The following ADAMTS9 variants were observed in gnomAD, a reference collection of about 807,000 sequenced individuals.
ADAMTS9 encodes the protein A disintegrin and metalloproteinase with thrombospondin motifs 9.
A neutral mutation model predicts 257.1 loss-of-function variants in ADAMTS9; 107 were observed. The ratio of observed to expected loss-of-function variants is 0.42; its 90% confidence interval spans 0.36 to 0.49. The LOEUF (loss-of-function observed/expected upper bound fraction) is 0.49. Among genes scored for constraint, ADAMTS9 ranks in the 20% least tolerant of loss-of-function variants. The pLI, the probability that ADAMTS9 is intolerant of heterozygous loss-of-function variation, is 0.03. For synonymous variants in ADAMTS9, 982 were observed against 880.9 expected, an observed-to-expected ratio of 1.11 and a Z score of -2.03; for missense variants, 2,353 against 2,469.1, an observed-to-expected ratio of 0.95 and a Z score of 1.00.
chr3:64,657,179 G>A (rs1162143588), intron 4 of ADAMTS9, among the ~76,000 whole-genome samples: 1 of 152,162 alleles, frequency 6.6e-6, no homozygotes, highest in Non-Finnish European at 1.5e-5. Context: ...TGGCTAGTGA[G>A]CACTAGTACG....
intron 3 of ADAMTS9, among the ~76,000 whole-genome samples, chr3:64,672,714 G>A (rs930107456): frequency 3.9e-5 from 6 of 152,110 alleles, no homozygotes; most frequent in Admixed American, 1.3e-4. Context: ...TGGGGAATAC[G>A]CATATTTCAT....
chr3:64,687,732 G>C lies in ADAMTS9; in HGVS notation c.-75C>G. On this transcript the variant is annotated 5_prime_UTR_variant, in exon 1 of 40. Transcript: ENST00000498707. This position sits in a 1 kb window ranked among gnomAD's most constrained non-coding sequence, Gnocchi z 4.4. ...CTCCTTGGCTGCGGCGGCGACGCGA[G>C]GCAGCGGCCGTGGAGAGCGCGCGGA... 1 of 1,230,646 alleles carries C rather than the reference G, an allele frequency of 8.1e-7. No homozygotes were observed. The highest frequency in any genetic ancestry group is 1.1e-6 in the Non-Finnish European group (1 of 912,234). 76.2% of individuals were successfully genotyped at this position (1,230,646 alleles called of 1,614,324 possible). A position where few individuals can be genotyped will look rare whatever the true frequency, so the allele number is the denominator to read the frequency against.
At chr3:64,610,389 A>G (rs1166164206) in intron 22 of ADAMTS9, among the ~76,000 whole-genome samples, 1 of 152,210 alleles carries the variant, frequency 6.6e-6, no homozygotes. Flanking sequence ...CTACAACTCA[A>G]GAACAACGAG....
chr3:64,655,552 C>G, intron 6 of ADAMTS9, 24 bp downstream of exon 6: 1 of 1,570,882 alleles, frequency 6.4e-7, no homozygotes, highest in Non-Finnish European at 8.8e-7. Flanking sequence ...ACTGAAAGAT[C>G]TGAGGAATAA....
intron 3 of ADAMTS9, among the ~76,000 whole-genome samples, chr3:64,663,121 G>C (rs890658557): frequency 6.6e-6 from 1 of 152,012 alleles, no homozygotes; most frequent in Non-Finnish European, 1.5e-5. Context: ...TGGGAGTGTG[G>C]TTAGCTAAAA....
At position 64,659,938 on chromosome 3, in the gene ADAMTS9, C is replaced by T. The variant is rs114337740; in HGVS notation, c.680-1147G>A. Among the ~76,000 whole-genome samples, 931 of 152,210 alleles carry T rather than the reference C, an allele frequency of 6.1e-3. 6 individuals carry two copies. Among genetic ancestry groups the T allele is most frequent in the African/African-American group, 0.021 (889 of 41,538 alleles). On this transcript the variant is annotated intron_variant, in intron 3 of 39. Coordinates refer to ENST00000498707, the MANE Select transcript of ADAMTS9 (RefSeq NM_182920.2). ...CCTGAATCTAAACTTAACTAGATCC[C>T]CAGGTGACTGATATTAACACTGAAA... is the stretch of plus-strand genomic sequence containing the variant.
chr3:64,655,994 G>A (rs911042146), intron 4 of ADAMTS9, 119 bp from the exon 5 acceptor site: 4 of 594,434 alleles, frequency 6.7e-6, no homozygotes, highest in Non-Finnish European at 1.2e-5. Context: ...TGCATTTTGT[G>A]GTTGTGAATT....
At chr3:64,570,471 T>G (rs192416384) in intron 28 of ADAMTS9, among the ~76,000 whole-genome samples, 3 of 152,130 alleles carry the variant, frequency 2.0e-5, no homozygotes, top group Admixed American at 1.3e-4. Context: ...CAAGTCAGAG[T>G]AAGACATGGT....
chr3:64,526,460 C>T (rs1473205282), intron 38 of ADAMTS9, among the ~76,000 whole-genome samples: 2 of 152,170 alleles, frequency 1.3e-5, no homozygotes, highest in Admixed American at 1.3e-4. Flanking sequence ...TATCCTCCCA[C>T]CTGGTCTTGG....
At chr3:64,529,151 T>G (rs1278894628) in intron 38 of ADAMTS9, among the ~76,000 whole-genome samples, 1 of 151,688 alleles carries the variant, frequency 6.6e-6, no homozygotes, top group Non-Finnish European at 1.5e-5. Flanking sequence ...AGATTTAATG[T>G]ATGTAAGCTG....
At chr3:64,566,300 G>C (rs980751431) in intron 29 of ADAMTS9, among the ~76,000 whole-genome samples, 29 of 152,010 alleles carry the variant, frequency 1.9e-4, no homozygotes, top group African/African-American at 6.3e-4. Flanking sequence ...CTTCTAAATT[G>C]CCCAAATTGA....
intron 3 of ADAMTS9, among the ~76,000 whole-genome samples, chr3:64,670,516 T>C (rs2107013225): frequency 6.6e-6 from 1 of 152,350 alleles, no homozygotes; most frequent in East Asian, 1.9e-4. Flanking sequence ...GCATGAAGTA[T>C]TGGCGATAAA....
intron 38 of ADAMTS9, among the ~76,000 whole-genome samples, chr3:64,531,763 C>A (rs4688478): frequency 0.71 from 107,402 of 152,104 alleles, 39,965 homozygotes; most frequent in Non-Finnish European, 0.85. Context: ...TTTATCTGGC[C>A]GTTCTGCCTT....
intron 3 of ADAMTS9, among the ~76,000 whole-genome samples, chr3:64,675,747 G>T (rs1701610065): frequency 1.3e-5 from 2 of 152,186 alleles, no homozygotes; most frequent in African/African-American, 4.8e-5. Flanking sequence ...CTTCTTCCTG[G>T]CTGTGTGACA....
intron 14 of ADAMTS9, among the ~76,000 whole-genome samples, chr3:64,633,082 T>A (rs1243951901): frequency 6.6e-6 from 1 of 152,186 alleles, no homozygotes; most frequent in African/African-American, 2.4e-5. Flanking sequence ...CAGCTCTTCT[T>A]CCTGACATAT....
At chr3:64,631,657 T>C in intron 15 of ADAMTS9, 107 bp from the exon 16 acceptor site, 2 of 1,194,964 alleles carry the variant, frequency 1.7e-6, no homozygotes, top group Non-Finnish European at 2.5e-6. Context: ...TCTCATATAA[T>C]TCTATTAGGT....
intron 29 of ADAMTS9, among the ~76,000 whole-genome samples, chr3:64,566,256 C>T (rs2083543054): frequency 6.6e-6 from 1 of 152,160 alleles, no homozygotes; most frequent in Admixed American, 6.5e-5. Context: ...CGTCTTTCTC[C>T]ATTAACCACT....
In ADAMTS9 at chr3:64,633,614, G is replaced by A. The variant is rs1294833903; in HGVS notation, c.2039-6C>T. On this transcript the variant is annotated splice_region_variant and splice_polypyrimidine_tract_variant and intron_variant, in intron 13 of 39. Transcript: ENST00000498707. ...GCACCGGTCCTTCATCAGAACTAGA[G>A]AGGAGAAACAATACAACTTGACTTT... The A allele has an allele frequency of 6.2e-7, 1 of 1,614,080 alleles. No individual in the cohort carries two copies. The highest frequency in any genetic ancestry group is 1.7e-5 in the Admixed American group (1 of 60,024).
chr3:64,624,507 G>A lies in ADAMTS9; in HGVS notation c.2390-1921C>T, dbSNP rs114878916. ...AGAAACAGGAAAGAAAATTGACAAG[G>A]AGGATGAGACAACAGCTGCTTCAGA... On this transcript the variant is annotated intron_variant, in intron 16 of 39. Coordinates refer to ENST00000498707, the MANE Select transcript of ADAMTS9 (RefSeq NM_182920.2). Among the ~76,000 whole-genome samples the A allele has an allele frequency of 2.9e-3, 441 of 152,204 alleles. 2 individuals are homozygous for A. Among genetic ancestry groups the A allele is most frequent in the African/African-American group, 0.01 (417 of 41,548 alleles).
Sources: gnomAD v4.1 joint callset for allele counts (sites outside exome capture counted in the v4.1 genomes callset) on GRCh38, gnomAD v4.1.1 for gene constraint, Gnocchi (gnomAD v3.1) non-coding constraint, MANE v1.5 for transcripts, NCBI Gene and HGNC (gene_info 2026-07-23, HGNC 2026-07-21) for gene names.